Variants in AKAP9 observed in about 807,000 individuals in gnomAD.
AKAP9 encodes A-kinase anchor protein 9.
In AKAP9, 311 loss-of-function variants were observed where a neutral mutation model predicts 488.5. That is an observed-to-expected ratio of 0.64 (90% CI 0.58 to 0.70). AKAP9 has a LOEUF of 0.70. AKAP9 is among the 30% of genes least tolerant of loss of function. The probability of loss-of-function intolerance (pLI) is 0.00; values close to 1 mark genes in which losing one functional copy is unlikely to be tolerated. For missense variants in AKAP9, 4,215 were observed against 4,374.5 expected (o/e 0.96, Z 1.03); for synonymous variants, 1,462 against 1,483.5 (o/e 0.99, Z 0.33).
intron 1 of AKAP9, among the ~76,000 whole-genome samples, chr7:91,942,385 G>T (rs1348673446): frequency 2.0e-5 from 3 of 152,162 alleles, no homozygotes; most frequent in Admixed American, 6.5e-5. Flanking sequence ...TAAGATCAAG[G>T]TTTAAATGCT....
rs200250245 is a variant in AKAP9 at position 92,001,159 on chromosome 7, C to G, written c.1242C>G (p.Phe414Leu). ...AGAGAAATCATAAAGACAGCCAGTT[C>G]GAAACTGATATAGTACAACGAATGG... ...LQKRNHKDSQFETDIVQRMEQ... is the reference protein window; with the variant it reads ...LQKRNHKDSQLETDIVQRMEQ... The change falls in exon 8 of 50, where the codon TTC becomes TTG. Residue 414 changes from phenylalanine to leucine, a missense_variant. Phe to Leu is a conservative substitution (Grantham distance 22, BLOSUM62 0). Coordinates refer to ENST00000356239, the MANE Select transcript of AKAP9 (RefSeq NM_005751.5). 4 of 1,613,668 alleles carry G rather than the reference C, an allele frequency of 2.5e-6. No homozygotes were observed. The African/African-American group carries it at 5.3e-5, about 22-fold the overall frequency.
rs750979401 is a variant in AKAP9, at chr7:92,076,836, G to C, written c.6613-19G>C. 7.4e-7 allele frequency: 1 copy of C among 1,352,392 alleles called. No homozygotes were observed. The highest frequency in any genetic ancestry group is 1.0e-6 in the Non-Finnish European group (1 of 975,472). The allele number at this position is 1,352,392 out of a possible 1,614,324, so 83.8% of individuals were successfully genotyped here. A position where few individuals can be genotyped will look rare whatever the true frequency, so the allele number is the denominator to read the frequency against. On this transcript the variant is annotated intron_variant, in intron 28 of 49. Transcript: ENST00000356239. ...TTTGTATAAACATTTTTTCTCTTTT[G>C]ATAATTTTGTTATTAAAGATTACAA...
chr7:91,957,007 T>C (rs1470540700), intron 1 of AKAP9, among the ~76,000 whole-genome samples: 1 of 152,200 alleles, frequency 6.6e-6, no homozygotes, highest in Non-Finnish European at 1.5e-5. Context: ...ATTTAAAGGG[T>C]ATATGTTTTT....
chr7:91,989,791 TA>T (rs1231830286), intron 3 of AKAP9, among the ~76,000 whole-genome samples: 2 of 152,174 alleles, frequency 1.3e-5, no homozygotes, highest in East Asian at 3.9e-4. Flanking sequence ...TATTCAATAT[TA>T]ATGTTTTTAA....
rs576475484 is a variant in AKAP9, at chr7:92,003,077, G to A, written c.3160G>A (p.Val1054Ile). The A allele has an allele frequency of 1.9e-6, 3 of 1,612,752 alleles. No individual in the cohort carries two copies. Among genetic ancestry groups the A allele is most frequent in the South Asian group, 1.1e-5 (1 of 90,822 alleles). Residue 1054 changes from valine (V) to isoleucine (I), a missense_variant, in exon 8 of 50, where the codon GTT (valine) becomes ATT (isoleucine). By Grantham distance (29) the Val-to-Ile change is conservative. This residue lies in a region of AKAP9 where 2,361 missense variants were observed against 2,430.0 expected (regional missense o/e 0.97). Coordinates refer to ENST00000356239, the MANE Select transcript of AKAP9 (RefSeq NM_005751.5). Reference sequence around the variant, plus strand: ...ATCAAAAATAATGGTGGAAGATAAAGTTTCTTTTGAAAATATGACTGTTGG... The same window carrying A: ...ATCAAAAATAATGGTGGAAGATAAAATTTCTTTTGAAAATATGACTGTTGG... ...EESKIMVEDKVSFENMTVGEE... is the reference protein window; with the variant it reads ...EESKIMVEDKISFENMTVGEE...
rs777899348 is a variant in AKAP9, at chr7:92,042,636, TCTC to T, written c.5059-28_5059-26del. 5.8e-5 allele frequency: 86 copies of T among 1,489,780 alleles called. No individual in the cohort carries two copies. The East Asian group carries it at 1.6e-3, about 27-fold the overall frequency. 92.3% of individuals were successfully genotyped at this position (1,489,780 alleles called of 1,614,324 possible). On this transcript the variant is annotated intron_variant, in intron 19 of 49. Coordinates refer to ENST00000356239, the MANE Select transcript of AKAP9 (RefSeq NM_005751.5). ...AAGTTGACAGGTTTTCTTTCTGTCT[TCTC>T]CTCTCTTCCTTTACACAAACTTAAA...
At chr7:91,952,282 G>C (rs376547689) in intron 1 of AKAP9, among the ~76,000 whole-genome samples, 1 of 152,280 alleles carries the variant, frequency 6.6e-6, no homozygotes, top group South Asian at 2.1e-4. Context: ...TACTCATTCA[G>C]TAAATATGAT....
Position 91,988,297 on chromosome 7 carries a change from CAAAAA to C in AKAP9, c.352-3837_352-3833del, listed in dbSNP as rs5885797. 2.8e-4 allele frequency among the ~76,000 whole-genome samples: 15 copies of C among 53,674 alleles called. No individual in the cohort carries two copies. The South Asian group carries it at 9.8e-3, about 35-fold the overall frequency. The allele number at this position is 53,674 out of a possible 152,430, so 35.2% of individuals were successfully genotyped here. ...TTGGTGACAGAGCAAGACCCCCTCT[CAAAAA>C]AAAAAAAAAAAAAAAAAAAAAAAGC... On this transcript the variant is annotated intron_variant, in intron 3 of 49. Coordinates refer to ENST00000356239, the MANE Select transcript of AKAP9 (RefSeq NM_005751.5).
chr7:92,079,681 C>A lies in AKAP9; in HGVS notation c.7548C>A (p.Thr2516=), dbSNP rs141470927. The part of the protein sequence containing the change: ...STVSAKDLEL[T]QCYKQIKDMQ... ...TTAGTGCAAAGGACTTAGAACTTAC[C>A]CAGTGTTATAAACAAATAAAAGACA... Residue 2516 remains threonine, a synonymous_variant, in exon 31 of 50, where the codon ACC becomes ACA. Coordinates refer to ENST00000356239, the MANE Select transcript of AKAP9 (RefSeq NM_005751.5). The A allele has an allele frequency of 6.2e-7, 1 of 1,613,910 alleles. No individual in the cohort carries two copies. Among genetic ancestry groups the A allele is most frequent in the African/African-American group, 1.3e-5 (1 of 74,988 alleles).
chr7:92,009,490 T>C (rs1800394685), intron 8 of AKAP9, among the ~76,000 whole-genome samples: 1 of 152,124 alleles, frequency 6.6e-6, no homozygotes. Flanking sequence ...CCCTCTCTCC[T>C]CTCCTCCAAC....
rs1178180733 is a variant in AKAP9 at position 92,042,026 on chromosome 7, T to C, written c.4918-20T>C. 6.2e-7 allele frequency: 1 copy of C among 1,612,580 alleles called. No homozygotes were observed. ...CTCTATCACAAACAGTATTCTTTCATGACCTTTTTTCTTATTTAGAGATCC... is the reference window on the plus strand; with the variant it reads ...CTCTATCACAAACAGTATTCTTTCACGACCTTTTTTCTTATTTAGAGATCC... On this transcript the variant is annotated intron_variant, in intron 18 of 49. Coordinates refer to ENST00000356239, the MANE Select transcript of AKAP9 (RefSeq NM_005751.5).
Position 92,002,569 on chromosome 7 carries a change from A to G in AKAP9, c.2652A>G (p.Lys884=). 1 of 1,609,462 alleles carries G rather than the reference A, an allele frequency of 6.2e-7. No homozygotes were observed. Among genetic ancestry groups the G allele is most frequent in the Non-Finnish European group, 8.5e-7 (1 of 1,178,208 alleles). The change falls in exon 8 of 50, where the codon AAA becomes AAG. Residue 884 remains lysine, a synonymous_variant. Coordinates refer to ENST00000356239, the MANE Select transcript of AKAP9 (RefSeq NM_005751.5). ...VKDDLEDSKN[K]QELEYKSKLK... ...ATGATTTAGAAGACAGTAAAAATAA[A>G]CAGGAATTAGAGTATAAAAGTAAAC...
At chr7:91,991,312 A>AT (rs397726001) in intron 3 of AKAP9, among the ~76,000 whole-genome samples, 5 of 151,710 alleles carry the variant, frequency 3.3e-5, no homozygotes, top group Admixed American at 1.3e-4. Context: ...AATTAAAAAA[A>AT]TTTTTTAGAG....
At chr7:92,021,086 C>G (rs1048036041) in intron 12 of AKAP9, among the ~76,000 whole-genome samples, 1 of 152,144 alleles carries the variant, frequency 6.6e-6, no homozygotes, top group Non-Finnish European at 1.5e-5. Context: ...TTATGGCATA[C>G]GTCATTCTTT....
intron 12 of AKAP9, among the ~76,000 whole-genome samples, chr7:92,018,425 CACACACACACACACACAG>C (rs1278459761): frequency 5.2e-5 from 7 of 134,876 alleles, no homozygotes; most frequent in Admixed American, 1.6e-4. Context: ...CACACACACA[CACACACACACACACACAG>C]AGAAATATTC....
At position 92,002,298 on chromosome 7, in the gene AKAP9, A is replaced by G. The variant is rs141176252; in HGVS notation, c.2381A>G (p.His794Arg). 14 of 1,612,706 alleles carry G rather than the reference A, an allele frequency of 8.7e-6. No homozygotes were observed. The highest frequency in any genetic ancestry group is 1.2e-5 in the Non-Finnish European group (14 of 1,179,248). ...KKTLEDMLKI[H>R]TPVSQEERLI... ...ACCCTTGAAGACATGTTGAAAATAC[A>G]TACTCCTGTTAGCCAAGAAGAAAGA... Residue 794 changes from histidine to arginine, a missense_variant, in exon 8 of 50, where the codon CAT becomes CGT. His to Arg is a conservative substitution (Grantham distance 29, BLOSUM62 0). This residue lies in a region of AKAP9 where 2,361 missense variants were observed against 2,430.0 expected (regional missense o/e 0.97). Transcript: ENST00000356239.
At chr7:91,961,752 G>A (rs962567425) in intron 1 of AKAP9, among the ~76,000 whole-genome samples, 1 of 151,856 alleles carries the variant, frequency 6.6e-6, no homozygotes, top group Non-Finnish European at 1.5e-5. Flanking sequence ...GCTGAGTCAG[G>A]AGAATGGCGT....
chr7:92,001,516 T>G lies in AKAP9; in HGVS notation c.1599T>G (p.Leu533=), dbSNP rs749682259. The change falls in exon 8 of 50, where the codon CTT becomes CTG. Residue 533 remains leucine (L), a synonymous_variant. Coordinates refer to ENST00000356239, the MANE Select transcript of AKAP9 (RefSeq NM_005751.5). ...CTCTACAGAGACAGCTTGAAGACCT[T>G]GTTGAAGAATTGAGCTTTTCAAGGG... ...KCALQRQLED[L]VEELSFSREQ... is the part of the protein sequence containing the mutation. The G allele has an allele frequency of 6.2e-7, 1 of 1,613,888 alleles. No homozygotes were observed. Among genetic ancestry groups the G allele is most frequent in the South Asian group, 1.1e-5 (1 of 91,070 alleles).
chr7:92,107,149 A>G (rs963861116), intron 47 of AKAP9, 144 bp from the exon 48 acceptor site: 1 of 862,584 alleles, frequency 1.2e-6, no homozygotes. Flanking sequence ...TTTCTCCTTT[A>G]TCAAGAATAA....
Sources: allele counts gnomAD v4.1 joint callset (sites outside exome capture counted in the v4.1 genomes callset), GRCh38; gene constraint gnomAD v4.1.1; regional missense constraint gnomAD v4.1.1; transcripts MANE v1.5; gene names NCBI Gene and HGNC (gene_info 2026-07-23, HGNC 2026-07-21).